Variants in AKR1A1 observed in about 807,000 individuals in gnomAD.
The protein encoded by AKR1A1 is HEL-S-165mP.
A neutral mutation model predicts 39.2 loss-of-function variants in AKR1A1; 26 were observed. The observed-to-expected ratio is 0.66, with a 90% confidence interval of 0.49 to 0.92. AKR1A1 has a LOEUF of 0.92. Among genes scored for constraint, AKR1A1 ranks in the 40% least tolerant of loss-of-function variants. AKR1A1 has a pLI of 0.00. For missense variants in AKR1A1, 378 were observed against 406.5 expected (o/e 0.93, Z 0.60); for synonymous variants, 141 against 155.5 (o/e 0.91, Z 0.69).
chr1:45,564,318 G>A (rs1216935678), intron 2 of AKR1A1, among the ~76,000 whole-genome samples: 6 of 152,132 alleles, frequency 3.9e-5, no homozygotes, highest in South Asian at 2.1e-4. Flanking sequence ...GATGTTAGGG[G>A]AAGTACGTCG....
chr1:45,566,765 G>A, intron 3 of AKR1A1, 77 bp downstream of exon 3: 1 of 1,598,070 alleles, frequency 6.3e-7, no homozygotes, highest in South Asian at 1.1e-5. Flanking sequence ...CCAGCTGGAG[G>A]GAATCTGGCA....
At chr1:45,566,072 T>G (rs1644339899) in intron 2 of AKR1A1, among the ~76,000 whole-genome samples, 1 of 152,138 alleles carries the variant, frequency 6.6e-6, no homozygotes, top group African/African-American at 2.4e-5. Context: ...AAGAGGCTTC[T>G]GGTCCCTTAG....
rs1333920032 is a variant in AKR1A1, at chr1:45,569,358, CAT to C, written c.912+131_912+132del. ...TTGTGGGTGGGATTGCTATGCTGGA[CAT>C]AGTGCCCTCATTTCTCTTTATTGAG... is the stretch of plus-strand genomic sequence containing the variant. On this transcript the variant is annotated intron_variant, in intron 8 of 8. Coordinates refer to ENST00000351829, the MANE Select transcript of AKR1A1 (RefSeq NM_153326.3). The C allele has an allele frequency of 4.0e-6, 3 of 748,276 alleles. No homozygotes were observed. The African/African-American group carries it at 5.2e-5, about 13-fold the overall frequency. The allele number at this position is 748,276 out of a possible 1,614,324, so 46.4% of individuals were successfully genotyped here.
chr1:45,566,656 G>A lies in AKR1A1; in HGVS notation c.172G>A (p.Glu58Lys), dbSNP rs774798287. Residue 58 changes from glutamate (E) to lysine (K), a missense_variant, in exon 3 of 9, where the codon GAG becomes AAG. Physicochemically the swap from Glu to Lys is moderately conservative, Grantham distance 56 (BLOSUM62 1). Coordinates refer to ENST00000351829, the MANE Select transcript of AKR1A1 (RefSeq NM_153326.3). ...AIYGNEPEIG[E>K]ALKEDVGPGK... ...CTACGGCAATGAGCCTGAGATTGGG[G>A]AGGCCCTGAAGGAGGACGTGGGACC... The A allele has an allele frequency of 2.5e-6, 4 of 1,614,112 alleles. No individual in the cohort carries two copies. The highest frequency in any genetic ancestry group is 2.2e-5 in the East Asian group (1 of 44,894).
chr1:45,567,998 T>G lies in AKR1A1; in HGVS notation c.373T>G (p.Phe125Val). 6.2e-7 allele frequency: 1 copy of G among 1,613,084 alleles called. No individual in the cohort carries two copies. Among genetic ancestry groups the G allele is most frequent in the Admixed American group, 1.7e-5 (1 of 59,900 alleles). ...PYAFERGDNP[F>V]PKNADGTICY... ...CTCACTCAGGCGGGGAGACAACCCC[T>G]TCCCCAAGAATGCTGATGGGACTAT... The change falls in exon 5 of 9, where the codon TTC becomes GTC. Residue 125 changes from phenylalanine (F) to valine (V), a missense_variant. Coordinates refer to ENST00000351829, the MANE Select transcript of AKR1A1 (RefSeq NM_153326.3).
intron 5 of AKR1A1, 40 bp from the exon 6 acceptor site, chr1:45,568,445 G>A (rs1422173625): frequency 2.5e-6 from 4 of 1,602,150 alleles, no homozygotes; most frequent in Non-Finnish European, 3.4e-6. Flanking sequence ...AGCAAGCTGG[G>A]TGTCACCACT....
Position 45,570,046 on chromosome 1 carries a change from T to G in AKR1A1, c.*90T>G. ...GGGAGTTAATAAAGCCATTGGAGCATCCATATTGCTTGCTTGTCTTATTTG... is the reference window on the plus strand; with the variant it reads ...GGGAGTTAATAAAGCCATTGGAGCAGCCATATTGCTTGCTTGTCTTATTTG... On this transcript the variant is annotated 3_prime_UTR_variant, in exon 9 of 9. Coordinates refer to ENST00000351829, the MANE Select transcript of AKR1A1 (RefSeq NM_153326.3). 7.7e-7 allele frequency: 1 copy of G among 1,299,020 alleles called. No individual in the cohort carries two copies. The highest frequency in any genetic ancestry group is 1.1e-6 in the Non-Finnish European group (1 of 896,336). 80.5% of individuals were successfully genotyped at this position (1,299,020 alleles called of 1,614,324 possible).
intron 4 of AKR1A1, 135 bp downstream of exon 4, chr1:45,567,155 A>G: frequency 8.2e-7 from 1 of 1,220,982 alleles, no homozygotes; most frequent in South Asian, 1.5e-5. Context: ...TTGACATGGG[A>G]TCTTAGCCTC....
rs1475013020 is a variant in AKR1A1 at position 45,550,988 on chromosome 1, A to C, written c.-174A>C. ...CAGGTCCTTCCTCGGGAGGCGGCGA[A>C]GGCGGTCCACCCTGCGCGTGATCCT... On this transcript the variant is annotated 5_prime_UTR_variant, in exon 1 of 9. Coordinates refer to ENST00000351829, the MANE Select transcript of AKR1A1 (RefSeq NM_153326.3). The C allele has an allele frequency of 6.6e-6, 1 of 152,452 alleles. No individual in the cohort carries two copies. The highest frequency in any genetic ancestry group is 1.5e-5 in the Non-Finnish European group (1 of 68,208). 9.4% of individuals were successfully genotyped at this position (152,452 alleles called of 1,614,324 possible).
chr1:45,568,908 G>A lies in AKR1A1; in HGVS notation c.753-19G>A. On this transcript the variant is annotated intron_variant, in intron 6 of 8. Coordinates refer to ENST00000351829, the MANE Select transcript of AKR1A1 (RefSeq NM_153326.3). ...GAATACTGACCCCTTTTCCTCATCT[G>A]TCTAATCCCCCAACTTAGGTGGCAG... 6.2e-7 allele frequency: 1 copy of A among 1,613,742 alleles called. No homozygotes were observed. Among genetic ancestry groups the A allele is most frequent in the Non-Finnish European group, 8.5e-7 (1 of 1,179,660 alleles).
In AKR1A1 at chr1:45,567,512, C is replaced by T. The variant is rs557247105; in HGVS notation, c.357-470C>T. 3 of 159,920 alleles carry T rather than the reference C, an allele frequency of 1.9e-5. No individual in the cohort carries two copies. The South Asian group carries it at 5.6e-4, about 30-fold the overall frequency. The allele number at this position is 159,920 out of a possible 1,614,324, so 9.9% of individuals were successfully genotyped here. A position where few individuals can be genotyped will look rare whatever the true frequency, so the allele number is the denominator to read the frequency against. On this transcript the variant is annotated intron_variant, in intron 4 of 8. Transcript: ENST00000351829. ...CCATGTAAACTTAACACCTGGGTTACGATCTGGAAGGATGAAAAAGCATGG... is the reference window on the plus strand; with the variant it reads ...CCATGTAAACTTAACACCTGGGTTATGATCTGGAAGGATGAAAAAGCATGG...
At chr1:45,556,965 G>T (rs186580989) in intron 1 of AKR1A1, among the ~76,000 whole-genome samples, 104 of 151,774 alleles carry the variant, frequency 6.9e-4, no homozygotes, top group African/African-American at 2.4e-3. Context: ...TGAGACTGGT[G>T]GATCACCTGA....
At chr1:45,563,383 GA>G in intron 2 of AKR1A1, among the ~76,000 whole-genome samples, 1 of 151,308 alleles carries the variant, frequency 6.6e-6, no homozygotes, top group Non-Finnish European at 1.5e-5. Flanking sequence ...CTAGGCAACA[GA>G]GCAAGACTCC....
rs555749752 is a variant in AKR1A1, at chr1:45,568,184, A to T, written c.552+7A>T. 9.9e-6 allele frequency: 16 copies of T among 1,608,380 alleles called. No homozygotes were observed. Among genetic ancestry groups the T allele is most frequent in the Non-Finnish European group, 1.4e-5 (16 of 1,177,228 alleles). On this transcript the variant is annotated splice_region_variant and intron_variant, in intron 5 of 8. Transcript: ENST00000351829. Reference sequence around the variant, plus strand: ...GCGTCCAGCTGTCTTGCAGGTAAGGACAGCAAGCAGATGAGTGGTTTAGGG... The same window carrying T: ...GCGTCCAGCTGTCTTGCAGGTAAGGTCAGCAAGCAGATGAGTGGTTTAGGG...
In AKR1A1 at chr1:45,569,211, T is replaced by C. The variant is rs762553762; in HGVS notation, c.894T>C (p.Tyr298=). The C allele has an allele frequency of 1.1e-5, 17 of 1,613,850 alleles. No individual in the cohort carries two copies. The Admixed American group carries it at 1.2e-4, about 11-fold the overall frequency. The part of the protein sequence containing the change: ...QLNALNKNWR[Y]IVPMLTVDGK... ...ATGCCCTGAACAAAAATTGGAGATATATTGTGCCTATGCTTACGGTGAGGA... is the reference window on the plus strand; with the variant it reads ...ATGCCCTGAACAAAAATTGGAGATACATTGTGCCTATGCTTACGGTGAGGA... Residue 298 remains tyrosine (Y), a synonymous_variant, in exon 8 of 9, where the codon TAT becomes TAC. Transcript: ENST00000351829.
chr1:45,565,759 G>C (rs1156475450), intron 2 of AKR1A1, among the ~76,000 whole-genome samples: 27 of 151,256 alleles, frequency 1.8e-4, no homozygotes, highest in Non-Finnish European at 2.9e-5. Context: ...ATAGGCGTGA[G>C]CCACCACGCC....
chr1:45,560,138 C>T (rs1644259509), intron 1 of AKR1A1, among the ~76,000 whole-genome samples: 2 of 152,122 alleles, frequency 1.3e-5, no homozygotes, highest in African/African-American at 4.8e-5. Flanking sequence ...GTGCATGCCA[C>T]CACGCCTAGC....
chr1:45,561,481 G>A (rs951971585), intron 1 of AKR1A1, among the ~76,000 whole-genome samples: 1 of 152,050 alleles, frequency 6.6e-6, no homozygotes, highest in Non-Finnish European at 1.5e-5. Flanking sequence ...TCAGCTAACT[G>A]CAACCTCCAC....
Position 45,566,955 on chromosome 1 carries a change from G to A in AKR1A1, c.291G>A (p.Lys97=), listed in dbSNP as rs1199390467. Reference sequence around the variant, plus strand: ...AGGATGTGGAGCCTGCCCTCCGGAAGACTCTGGCTGACCTCCAGCTGGAGT... The same window carrying A: ...AGGATGTGGAGCCTGCCCTCCGGAAAACTCTGGCTGACCTCCAGCTGGAGT... ...HPEDVEPALR[K]TLADLQLEYL... is the part of the protein sequence containing the mutation. The change falls in exon 4 of 9, where the codon AAG becomes AAA. Residue 97 remains lysine (K), a synonymous_variant. Coordinates refer to ENST00000351829, the MANE Select transcript of AKR1A1 (RefSeq NM_153326.3). 1 of 1,614,048 alleles carries A rather than the reference G, an allele frequency of 6.2e-7. No individual in the cohort carries two copies. The highest frequency in any genetic ancestry group is 8.5e-7 in the Non-Finnish European group (1 of 1,179,980).
Sources: gnomAD v4.1 joint callset for allele counts (sites outside exome capture counted in the v4.1 genomes callset) on GRCh38, gnomAD v4.1.1 for gene constraint, MANE v1.5 for transcripts, NCBI Gene and HGNC (gene_info 2026-07-23, HGNC 2026-07-21) for gene names.